Variants in PLEKHM3 observed in about 807,000 individuals in gnomAD.
PLEKHM3 encodes the protein pleckstrin homology domain-containing family M member 3.
A neutral mutation model predicts 81.8 loss-of-function variants in PLEKHM3; 45 were observed. That is an observed-to-expected ratio of 0.55 (90% confidence interval 0.43 to 0.71). The LOEUF (loss-of-function observed/expected upper bound fraction) is 0.71. PLEKHM3 is among the 30% of genes least tolerant of loss of function. The pLI is 0.00. For missense variants in PLEKHM3, 788 were observed against 924.3 expected (o/e 0.85, Z 1.91); for synonymous variants, 352 against 356.4 (o/e 0.99, Z 0.14).
intron 7 of PLEKHM3, among the ~76,000 whole-genome samples, chr2:207,839,248 G>A (rs1217203109): frequency 1.3e-5 from 2 of 151,968 alleles, no homozygotes; most frequent in East Asian, 3.9e-4. Context: ...GGTCAAGCAT[G>A]GGTACATTAG....
chr2:207,940,821 T>C (rs1356421582), intron 4 of PLEKHM3, among the ~76,000 whole-genome samples: 1 of 152,180 alleles, frequency 6.6e-6, no homozygotes, highest in Non-Finnish European at 1.5e-5. Context: ...AAGGATTCCC[T>C]AGATGGATAA....
Position 208,014,601 on chromosome 2 carries a change from G to A in PLEKHM3, c.-319+10788C>T, listed in dbSNP as rs538049578. On this transcript the variant is annotated intron_variant, in intron 1 of 7. Coordinates refer to ENST00000427836, the MANE Select transcript of PLEKHM3 (RefSeq NM_001080475.3). ...AGAGGTTGCAGTGGGCTAAGATTGCGCCACTGCACTCTGGCCTGGGCCACA... is the reference window on the plus strand; with the variant it reads ...AGAGGTTGCAGTGGGCTAAGATTGCACCACTGCACTCTGGCCTGGGCCACA... Among the ~76,000 whole-genome samples, 56 of 152,344 alleles carry A rather than the reference G, an allele frequency of 3.7e-4. 1 individual carries two copies. The South Asian group carries it at 8.5e-3, about 23-fold the overall frequency.
At chr2:208,014,530 G>C (rs1349906729) in intron 1 of PLEKHM3, among the ~76,000 whole-genome samples, 1 of 152,212 alleles carries the variant, frequency 6.6e-6, no homozygotes, top group Non-Finnish European at 1.5e-5. Context: ...TGTAATCCTA[G>C]CTACTCGGGA....
At chr2:208,022,555 T>C (rs990805834) in intron 1 of PLEKHM3, among the ~76,000 whole-genome samples, 2 of 152,226 alleles carry the variant, frequency 1.3e-5, no homozygotes, top group African/African-American at 2.4e-5. Flanking sequence ...TTTCTTTCTA[T>C]GCTGGTTGTT....
At chr2:207,858,174 G>GTGTGTATATATA (rs373920637) in intron 7 of PLEKHM3, among the ~76,000 whole-genome samples, 123 of 123,292 alleles carry the variant, frequency 1.0e-3, no homozygotes, top group African/African-American at 4.0e-3. Flanking sequence ...GTGTGTGTGT[G>GTGTGTATATATA]TATATATTTT....
At chr2:207,952,744 T>C (rs1690369993) in intron 3 of PLEKHM3, among the ~76,000 whole-genome samples, 2 of 152,208 alleles carry the variant, frequency 1.3e-5, no homozygotes, top group South Asian at 4.1e-4. Flanking sequence ...CATCCTCCAC[T>C]GTCAGAGGGA....
chr2:208,018,843 T>C (rs1438458612), intron 1 of PLEKHM3, among the ~76,000 whole-genome samples: 2 of 152,082 alleles, frequency 1.3e-5, no homozygotes, highest in South Asian at 2.1e-4. Flanking sequence ...AATCTCTCTC[T>C]CTACCCCTAC....
chr2:207,968,141 G>C (rs557969119), intron 3 of PLEKHM3, among the ~76,000 whole-genome samples: 1 of 151,956 alleles, frequency 6.6e-6, no homozygotes, highest in East Asian at 2.0e-4. Context: ...TGAACACTAA[G>C]TGCTATATAG....
intron 6 of PLEKHM3, among the ~76,000 whole-genome samples, chr2:207,901,919 G>A (rs1290917229): frequency 6.6e-6 from 1 of 152,164 alleles, no homozygotes; most frequent in East Asian, 1.9e-4. Flanking sequence ...CGGCTGCAGC[G>A]GACACAGGCA....
intron 7 of PLEKHM3, 24 bp from the exon 8 acceptor site, chr2:207,828,520 G>C (rs750831540): frequency 9.3e-6 from 15 of 1,609,274 alleles, no homozygotes; most frequent in Non-Finnish European, 1.3e-5. Context: ...CCATGGATAT[G>C]ATGAGCAAGA....
At chr2:207,984,675 C>T (rs1691656774) in intron 2 of PLEKHM3, among the ~76,000 whole-genome samples, 1 of 152,218 alleles carries the variant, frequency 6.6e-6, no homozygotes, top group Admixed American at 6.5e-5. Flanking sequence ...GCCACTGCGC[C>T]TGGGCACATT....
intron 4 of PLEKHM3, among the ~76,000 whole-genome samples, chr2:207,931,846 G>A (rs1689609768): frequency 6.6e-6 from 1 of 152,196 alleles, no homozygotes; most frequent in Non-Finnish European, 1.5e-5. Flanking sequence ...GGTGGCACAT[G>A]CCTGTAATCC....
At chr2:207,998,363 T>C (rs1483100240) in intron 2 of PLEKHM3, among the ~76,000 whole-genome samples, 2 of 151,954 alleles carry the variant, frequency 1.3e-5, no homozygotes, top group African/African-American at 2.4e-5. Context: ...CAATAAAAAA[T>C]TAGCCAGGCA....
intron 3 of PLEKHM3, among the ~76,000 whole-genome samples, chr2:207,963,696 G>A (rs1250064067): frequency 6.6e-6 from 1 of 152,230 alleles, no homozygotes; most frequent in Non-Finnish European, 1.5e-5. Context: ...TGTAGGTAAA[G>A]AATTCGGGCT....
Position 207,940,021 on chromosome 2 carries a change from T to G in PLEKHM3, c.1692+6346A>C, listed in dbSNP as rs150147712. ...AATGTGCACTTGGGGGAACATCTGG[T>G]GAGTGTGATGTGATAAGGCCAATTT... On this transcript the variant is annotated intron_variant, in intron 4 of 7. Coordinates refer to ENST00000427836, the MANE Select transcript of PLEKHM3 (RefSeq NM_001080475.3). Among the ~76,000 whole-genome samples, 70 of 152,240 alleles carry G rather than the reference T, an allele frequency of 4.6e-4. 1 individual carries two copies. In the East Asian group the frequency reaches 0.013, roughly 29 times the overall value.
intron 4 of PLEKHM3, among the ~76,000 whole-genome samples, chr2:207,932,654 C>A (rs915554220): frequency 7.2e-5 from 11 of 152,266 alleles, no homozygotes; most frequent in Admixed American, 5.9e-4. Flanking sequence ...GCAGCATGTA[C>A]CCTGTCATCT....
At chr2:207,901,750 T>G (rs1688433401) in intron 6 of PLEKHM3, among the ~76,000 whole-genome samples, 1 of 152,244 alleles carries the variant, frequency 6.6e-6, no homozygotes, top group Non-Finnish European at 1.5e-5. Flanking sequence ...TTAAAAGGCA[T>G]AATTTGTTCC....
intron 2 of PLEKHM3, among the ~76,000 whole-genome samples, chr2:207,985,634 T>C (rs184552920): frequency 4.1e-4 from 62 of 152,270 alleles, no homozygotes; most frequent in Middle Eastern, 3.4e-3. Context: ...TATATAATTA[T>C]TGACTATTAA....
intron 6 of PLEKHM3, among the ~76,000 whole-genome samples, chr2:207,893,092 T>C (rs1379621445): frequency 8.5e-5 from 13 of 152,210 alleles, no homozygotes; most frequent in Admixed American, 7.2e-4. Flanking sequence ...TTTGGTCTCA[T>C]GGAGACAGAG....
Sources: allele counts gnomAD v4.1 joint callset (sites outside exome capture counted in the v4.1 genomes callset), GRCh38; gene constraint gnomAD v4.1.1; transcripts MANE v1.5; gene names NCBI Gene and HGNC (gene_info 2026-07-23, HGNC 2026-07-21).